The following PIN4 variants were observed in gnomAD, a reference collection of about 807,000 sequenced individuals.
The protein encoded by PIN4 is peptidylprolyl cis/trans isomerase, NIMA-interacting 4.
Under a neutral mutation model 8.3 loss-of-function variants are expected in PIN4, and 3 were observed. That is an observed-to-expected ratio of 0.36 (90% CI 0.16 to 0.93). The LOEUF (loss-of-function observed/expected upper bound fraction) is 0.93, where lower values mean the gene tolerates loss of function less well. Ranked by LOEUF, PIN4 falls within the 40% of genes least tolerant of loss-of-function variation. The pLI is 0.44. For missense variants in PIN4, 75 were observed against 100.6 expected, an observed-to-expected ratio of 0.75 and a Z score of 1.09; for synonymous variants, 18 against 32.5, an observed-to-expected ratio of 0.55 and a Z score of 1.52.
At chrX:72,198,672 G>A (rs1258004805), downstream of PIN4, 1 of 111,520 alleles carries the variant, frequency 9.0e-6, no homozygotes, top group Admixed American at 9.5e-5. Context: ...TATGCCAATC[G>A]GGTGTCAGCA....
intron 3 of PIN4, among the ~76,000 whole-genome samples, chrX:72,213,642 T>C (rs1401614639): frequency 6.2e-5 from 7 of 112,371 alleles, no homozygotes; most frequent in African/African-American, 1.9e-4. Context: ...AAGGCGCCCA[T>C]TGCCGCTCCC....
intron 1 of PIN4, among the ~76,000 whole-genome samples, chrX:72,183,595 T>G (rs996862434): frequency 1.4e-4 from 16 of 111,440 alleles, no homozygotes; most frequent in African/African-American, 4.9e-4. Flanking sequence ...TAAAAGTGGT[T>G]TCAGTGAAAC....
chrX:72,209,042 G>A, intron 3 of PIN4, among the ~76,000 whole-genome samples: 1 of 111,049 alleles, frequency 9.0e-6, no homozygotes, highest in Non-Finnish European at 1.9e-5. Context: ...ATGGAAACAT[G>A]GGAACCTCTC....
At chrX:72,224,372 T>C (rs2042942518) in intron 3 of PIN4, among the ~76,000 whole-genome samples, 1 of 111,369 alleles carries the variant, frequency 9.0e-6, no homozygotes, top group Non-Finnish European at 1.9e-5. Flanking sequence ...GGGGGAATCA[T>C]TCATTCATCG....
At chrX:72,262,889 C>T in exon 4 of PIN4, 1 of 488,103 alleles carries the variant, frequency 2.0e-6, no homozygotes, top group Non-Finnish European at 3.3e-6. Context: ...ACTTTGTCCC[C>T]TTAAGCACAA....
chrX:72,191,423 C>T (rs1288968873), intron 2 of PIN4, among the ~76,000 whole-genome samples: 5 of 110,375 alleles, frequency 4.5e-5, no homozygotes, highest in East Asian at 2.9e-4. Flanking sequence ...TGGTGGCATG[C>T]GCCTGGAATC....
At chrX:72,199,351 A>T (rs1039733253), downstream of PIN4, among the ~76,000 whole-genome samples, 2 of 111,808 alleles carry the variant, frequency 1.8e-5, no homozygotes, top group Non-Finnish European at 3.8e-5. Context: ...CAGCCTGGCC[A>T]ACATGGTAAA....
At chrX:72,227,424 G>A (rs781011431) in intron 3 of PIN4, among the ~76,000 whole-genome samples, 239 of 111,891 alleles carry the variant, frequency 2.1e-3, no homozygotes, top group Non-Finnish European at 3.6e-3. Context: ...AACTCTTAAA[G>A]ACTGGGTTAC....
intron 3 of PIN4, chrX:72,238,946 A>G: frequency 8.8e-7 from 1 of 1,131,727 alleles, no homozygotes; most frequent in Non-Finnish European, 1.2e-6. Context: ...CCCCGGCGGG[A>G]GTTTGGAGCT....
At position 72,204,180 on chromosome X, in the gene PIN4, T is replaced by G. The variant is rs1278698325; in HGVS notation, c.312+7276T>G. Among the ~76,000 whole-genome samples the G allele has an allele frequency of 4.4e-5, 5 of 112,429 alleles. No homozygotes were observed. The Admixed American group carries it at 4.7e-4, about 11-fold the overall frequency. On this transcript the variant is annotated intron_variant, in intron 3 of 3. Coordinates refer to the PIN4 transcript ENST00000423432. Reference sequence around the variant, plus strand: ...TTGTGGAGAATTTCCATACACATAATGAGATATTTTGGAGATGGGATCCAA... The same window carrying G: ...TTGTGGAGAATTTCCATACACATAAGGAGATATTTTGGAGATGGGATCCAA...
At chrX:72,207,909 A>G in intron 3 of PIN4, 1 of 1,211,371 alleles carries the variant, frequency 8.3e-7, no homozygotes, top group Non-Finnish European at 1.1e-6. Flanking sequence ...ACTCCATCTT[A>G]AAAGTTTTTA....
chrX:72,182,889 CAA>C (rs2042681109), intron 1 of PIN4, among the ~76,000 whole-genome samples: 1 of 111,425 alleles, frequency 9.0e-6, no homozygotes, highest in African/African-American at 3.3e-5. Flanking sequence ...AAAACAGAAA[CAA>C]AGACGAGATC....
intron 3 of PIN4, chrX:72,238,989 G>A (rs1019431097): frequency 4.2e-5 from 42 of 994,983 alleles, no homozygotes; most frequent in Non-Finnish European, 5.3e-5. Flanking sequence ...GGAGCTTAGA[G>A]TTTGGAGCTT....
chrX:72,201,398 C>G (rs956079563), downstream of PIN4, among the ~76,000 whole-genome samples: 6 of 111,318 alleles, frequency 5.4e-5, no homozygotes, highest in African/African-American at 2.0e-4. Context: ...TCGAGACCAG[C>G]CTGAGGAACA....
At chrX:72,230,140 A>C (rs193051153) in intron 3 of PIN4, among the ~76,000 whole-genome samples, 131 of 109,389 alleles carry the variant, frequency 1.2e-3, no homozygotes, top group Non-Finnish European at 2.0e-3. Context: ...GCGCCACTGC[A>C]CTCTGCTCTG....
intron 3 of PIN4, among the ~76,000 whole-genome samples, chrX:72,235,960 C>T (rs183084168): frequency 6.2e-5 from 7 of 112,091 alleles, no homozygotes; most frequent in Admixed American, 4.7e-4. Flanking sequence ...GAAGCCTCCA[C>T]AATTATTGAC....
intron 1 of PIN4, among the ~76,000 whole-genome samples, chrX:72,186,033 G>A (rs1052589788): frequency 9.0e-6 from 1 of 111,481 alleles, no homozygotes; most frequent in African/African-American, 3.3e-5. Context: ...TTTCTGTGAA[G>A]GGTTTATATA....
intron 3 of PIN4, among the ~76,000 whole-genome samples, chrX:72,230,124 G>A (rs1203757440): frequency 4.6e-5 from 5 of 109,334 alleles, no homozygotes; most frequent in African/African-American, 6.7e-5. Flanking sequence ...GCAGTGAGCC[G>A]AGATTGCGCC....
At chrX:72,224,505 GGGA>G (rs1444337848) in intron 3 of PIN4, among the ~76,000 whole-genome samples, 15 of 111,841 alleles carry the variant, frequency 1.3e-4, no homozygotes, top group Admixed American at 1.3e-3. Flanking sequence ...ACAGCACTTT[GGGA>G]GGCCGAGGCA....
Sources: allele counts gnomAD v4.1 joint callset (sites outside exome capture counted in the v4.1 genomes callset), GRCh38; gene constraint gnomAD v4.1.1; transcripts MANE v1.5; gene names NCBI Gene and HGNC (gene_info 2026-07-23, HGNC 2026-07-21).